The following CTNNBL1 variants were observed in gnomAD, a reference collection of about 807,000 sequenced individuals.
The protein encoded by CTNNBL1 is catenin beta like 1.
A neutral mutation model predicts 72.7 loss-of-function variants in CTNNBL1; 31 were observed. That is an observed-to-expected ratio of 0.43 (90% confidence interval 0.32 to 0.58). The LOEUF (loss-of-function observed/expected upper bound fraction) is 0.58. CTNNBL1 is among the 20% of genes least tolerant of loss of function. The pLI is 0.08. For missense variants in CTNNBL1, 534 were observed against 725.1 expected (o/e 0.74, Z 3.03); for synonymous variants, 240 against 267.3 (o/e 0.90, Z 1.00).
At chr20:37,773,661 T>C (rs887555372) in intron 7 of CTNNBL1, among the ~76,000 whole-genome samples, 2 of 152,176 alleles carry the variant, frequency 1.3e-5, no homozygotes, top group African/African-American at 4.8e-5. Flanking sequence ...AGAAATAAAA[T>C]ATGCTTTGTA....
rs141441905 is a variant in CTNNBL1 at position 37,853,056 on chromosome 20, C to T, written c.1393-6843C>T. ...TGCTTCCTGCACTCACACAAGGTCT[C>T]TTGAGGGGCAAAGGAGGCAAGGGGA... On this transcript the variant is annotated intron_variant, in intron 13 of 15. Transcript: ENST00000361383. Among the ~76,000 whole-genome samples, 355 of 152,256 alleles carry T rather than the reference C, an allele frequency of 2.3e-3. 4 individuals are homozygous for T. The highest frequency in any genetic ancestry group is 8.1e-3 in the African/African-American group (336 of 41,540).
chr20:37,827,068 G>A (rs891528350), intron 11 of CTNNBL1, among the ~76,000 whole-genome samples: 1 of 152,170 alleles, frequency 6.6e-6, no homozygotes, highest in Non-Finnish European at 1.5e-5. Flanking sequence ...TTAACCTCAT[G>A]TAGAACCTCC....
In CTNNBL1 at chr20:37,722,146, A is replaced by ATCT. The variant is rs527529569; in HGVS notation, c.31-10731_31-10729dup. Among the ~76,000 whole-genome samples the ATCT allele has an allele frequency of 2.8e-3, 428 of 152,104 alleles. 5 individuals are homozygous for ATCT. The highest frequency in any genetic ancestry group is 0.017 in the East Asian group (89 of 5,178). ...ACTCATTATTTTTTCTTCTACAATC[A>ATCT]TCTTATGTTCTTTGTCAAAAGCTGG... On this transcript the variant is annotated intron_variant, in intron 1 of 15. Coordinates refer to ENST00000361383, the MANE Select transcript of CTNNBL1 (RefSeq NM_030877.5).
intron 10 of CTNNBL1, among the ~76,000 whole-genome samples, chr20:37,797,609 G>A (rs753749363): frequency 5.3e-5 from 8 of 151,996 alleles, no homozygotes; most frequent in Non-Finnish European, 1.2e-4. Context: ...TGGACATCAC[G>A]CCGTGTTCCA....
intron 14 of CTNNBL1, 87 bp from the exon 15 acceptor site, chr20:37,860,185 T>C (rs2072479749): frequency 6.8e-7 from 1 of 1,466,016 alleles, no homozygotes; most frequent in Non-Finnish European, 9.6e-7. Context: ...AGGGATGGGG[T>C]GAAGTATATC....
intron 12 of CTNNBL1, among the ~76,000 whole-genome samples, chr20:37,841,132 T>A (rs2072300845): frequency 6.6e-6 from 1 of 152,264 alleles, no homozygotes; most frequent in African/African-American, 2.4e-5. Flanking sequence ...TGTGGTTTAT[T>A]TATCCTTGTA....
At chr20:37,765,172 T>A (rs2073455058) in intron 5 of CTNNBL1, 25 bp from the exon 6 acceptor site, 2 of 1,506,186 alleles carry the variant, frequency 1.3e-6, no homozygotes, top group South Asian at 2.4e-5. Context: ...CATCCCTCTC[T>A]CCTTTTGCTT....
intron 11 of CTNNBL1, among the ~76,000 whole-genome samples, chr20:37,839,518 C>A (rs940395735): frequency 3.3e-5 from 5 of 152,154 alleles, no homozygotes; most frequent in Non-Finnish European, 7.3e-5. Flanking sequence ...ATAATAGAAG[C>A]CGCTGGGTTG....
intron 1 of CTNNBL1, among the ~76,000 whole-genome samples, chr20:37,717,148 C>T (rs1568748688): frequency 1.3e-5 from 2 of 149,954 alleles, no homozygotes; most frequent in Admixed American, 6.6e-5. Flanking sequence ...ACACTCTTTT[C>T]CCCCAGCCAC....
At chr20:37,779,083 C>T (rs1474969962) in intron 9 of CTNNBL1, 104 bp from the exon 10 acceptor site, 12 of 1,087,062 alleles carry the variant, frequency 1.1e-5, no homozygotes, top group Non-Finnish European at 1.6e-5. Context: ...TCTGTTTCCT[C>T]AGTCGTAGAG....
At chr20:37,843,264 G>C (rs2072319860) in intron 13 of CTNNBL1, among the ~76,000 whole-genome samples, 1 of 152,172 alleles carries the variant, frequency 6.6e-6, no homozygotes, top group Non-Finnish European at 1.5e-5. Flanking sequence ...TTGTGATCTT[G>C]TTTTGCTGCA....
At chr20:37,718,151 G>A in intron 1 of CTNNBL1, among the ~76,000 whole-genome samples, 1 of 151,408 alleles carries the variant, frequency 6.6e-6, no homozygotes, top group Non-Finnish European at 1.5e-5. Flanking sequence ...TGGTGGCTGG[G>A]CAGAGGGGCT....
chr20:37,779,420 C>A, intron 10 of CTNNBL1, 85 bp downstream of exon 10: 2 of 1,478,194 alleles, frequency 1.4e-6, no homozygotes, highest in Non-Finnish European at 1.9e-6. Flanking sequence ...TAGCTATGAT[C>A]ATTTATTCTG....
chr20:37,720,998 A>C (rs2073035844), intron 1 of CTNNBL1, among the ~76,000 whole-genome samples: 1 of 152,184 alleles, frequency 6.6e-6, no homozygotes, highest in South Asian at 2.1e-4. Flanking sequence ...GTGACATTTG[A>C]GTGGGGGCTT....
intron 13 of CTNNBL1, among the ~76,000 whole-genome samples, chr20:37,851,087 AACAC>A (rs1221419083): frequency 1.3e-5 from 2 of 152,020 alleles, no homozygotes; most frequent in Non-Finnish European, 2.9e-5. Flanking sequence ...AAGAGGGGGA[AACAC>A]ACACACACAA....
chr20:37,855,784 G>A (rs1414134119), intron 13 of CTNNBL1, among the ~76,000 whole-genome samples: 1 of 152,206 alleles, frequency 6.6e-6, no homozygotes, highest in East Asian at 1.9e-4. Flanking sequence ...CAGCCTGTAT[G>A]CCTACCATCA....
chr20:37,800,758 G>C (rs2073817133), intron 10 of CTNNBL1, among the ~76,000 whole-genome samples: 1 of 152,264 alleles, frequency 6.6e-6, no homozygotes, highest in East Asian at 1.9e-4. Context: ...TGGATGCCTT[G>C]TGGCCTTTGA....
intron 4 of CTNNBL1, among the ~76,000 whole-genome samples, chr20:37,754,245 G>A (rs2073344745): frequency 7.1e-6 from 1 of 141,018 alleles, no homozygotes; most frequent in African/African-American, 2.6e-5. Flanking sequence ...TTAGATCCTT[G>A]TTCTATAGAC....
At chr20:37,832,352 A>G (rs568363750) in intron 11 of CTNNBL1, 1 of 152,342 alleles carries the variant, frequency 6.6e-6, no homozygotes, top group African/African-American at 2.4e-5. Flanking sequence ...ACAGGTGCGT[A>G]GGTGAGCGAA....
Sources: gnomAD v4.1 joint callset for allele counts (sites outside exome capture counted in the v4.1 genomes callset) on GRCh38, gnomAD v4.1.1 for gene constraint, MANE v1.5 for transcripts, NCBI Gene and HGNC (gene_info 2026-07-23, HGNC 2026-07-21) for gene names.